Variants in GLUL observed in about 807,000 individuals in gnomAD.
The protein encoded by GLUL is glutamine synthetase.
A neutral mutation model predicts 36.9 loss-of-function variants in GLUL; 8 were observed. The observed-to-expected ratio is 0.22, with a 90% CI of 0.13 to 0.39. The LOEUF (loss-of-function observed/expected upper bound fraction) is 0.39, where lower values mean the gene tolerates loss of function less well. Ranked by LOEUF, GLUL falls within the 10% of genes least tolerant of loss-of-function variation. GLUL has a pLI of 1.00. For missense variants in GLUL, 315 were observed against 501.8 expected, an observed-to-expected ratio of 0.63 and a Z score of 3.56; for synonymous variants, 182 against 172.8, an observed-to-expected ratio of 1.05 and a Z score of -0.42.
At position 182,381,685 on chromosome 1, in the gene GLUL, T is replaced by C. The variant is rs552417488; in HGVS notation, c.*2720A>G. The C allele has an allele frequency of 6.6e-6, 1 of 152,274 alleles. No individual in the cohort carries two copies. Among genetic ancestry groups the C allele is most frequent in the African/African-American group, 2.4e-5 (1 of 41,538 alleles). The allele number at this position is 152,274 out of a possible 1,614,324, so 9.4% of individuals were successfully genotyped here. A position where few individuals can be genotyped will look rare whatever the true frequency, so the allele number is the denominator to read the frequency against. ...CATTTTGTCATGGAATTGATTACAA[T>C]GAACAAAATCCAAAGTGCTCAGGTC... On this transcript the variant is annotated 3_prime_UTR_variant, in exon 7 of 7. Coordinates refer to ENST00000331872, the MANE Select transcript of GLUL (RefSeq NM_001033044.4).
In GLUL at chr1:182,385,897, C is replaced by T. The variant is rs773817890; in HGVS notation, c.476-10G>A. On this transcript the variant is annotated splice_polypyrimidine_tract_variant and intron_variant, in intron 4 of 6. Transcript: ENST00000331872. ...CCACAGTAATATGGACCTACAGAAG[C>T]ATCAGGACAAAACACTAAGAGTCAA... 9 of 1,613,398 alleles carry T rather than the reference C, an allele frequency of 5.6e-6. No individual in the cohort carries two copies. In the East Asian group the frequency reaches 2.0e-4, roughly 36 times the overall value.
chr1:182,391,175 C>G (rs1650401578), intron 1 of GLUL: 1 of 398,508 alleles, frequency 2.5e-6, no homozygotes, highest in Non-Finnish European at 4.4e-6. Flanking sequence ...CAACGCTCAC[C>G]GTTACACGCC....
At chr1:182,388,817 C>G (rs1650286250) in intron 1 of GLUL, 67 bp from the exon 2 acceptor site, 2 of 1,227,888 alleles carry the variant, frequency 1.6e-6, no homozygotes, top group African/African-American at 3.0e-5. Context: ...AAAAATGGCT[C>G]AAGAAGGACG....
chr1:182,387,837 G>A (rs1236570603), intron 2 of GLUL, among the ~76,000 whole-genome samples: 2 of 152,202 alleles, frequency 1.3e-5, no homozygotes, highest in Non-Finnish European at 2.9e-5. Flanking sequence ...GCAGAGACGA[G>A]ACTCTCACTT....
chr1:182,390,379 C>CT (rs1246138787), intron 1 of GLUL: 2 of 397,936 alleles, frequency 5.0e-6, no homozygotes, highest in African/African-American at 4.1e-5. Flanking sequence ...TAGTGCCACT[C>CT]TATCAACTGC....
intron 2 of GLUL, among the ~76,000 whole-genome samples, chr1:182,388,356 G>A (rs1410790266): frequency 6.6e-6 from 1 of 152,126 alleles, no homozygotes; most frequent in Admixed American, 6.5e-5. Flanking sequence ...ACTGGCCTAC[G>A]TGCACAATTC....
At position 182,378,831 on chromosome 1, in the gene GLUL, G is replaced by A. The variant is rs1162659918; in HGVS notation, c.*5574C>T. Among the ~76,000 whole-genome samples, 4 of 152,134 alleles carry A rather than the reference G, an allele frequency of 2.6e-5. No homozygotes were observed. Among genetic ancestry groups the A allele is most frequent in the Non-Finnish European group, 4.4e-5 (3 of 68,032 alleles). On this transcript the variant is annotated 3_prime_UTR_variant, in exon 7 of 7. Coordinates refer to ENST00000331872, the MANE Select transcript of GLUL (RefSeq NM_001033044.4). ...CACACTCTGTTGCCTAGGCTGGAGTGCAATGGTGCAAGCTTGGCTCACTGC... is the reference window on the plus strand; with the variant it reads ...CACACTCTGTTGCCTAGGCTGGAGTACAATGGTGCAAGCTTGGCTCACTGC...
At chr1:182,388,885 C>T (rs1282475624) in intron 1 of GLUL, 135 bp from the exon 2 acceptor site, 2 of 732,914 alleles carry the variant, frequency 2.7e-6, no homozygotes, top group Non-Finnish European at 2.4e-6. Context: ...AGTCAACACA[C>T]AAAAAGTTAT....
rs1216055478 is a variant in GLUL, at chr1:182,382,443, C to T, written c.*1962G>A. The T allele has an allele frequency of 6.6e-6, 1 of 152,126 alleles. No individual in the cohort carries two copies. The highest frequency in any genetic ancestry group is 2.4e-5 in the African/African-American group (1 of 41,390). The allele number at this position is 152,126 out of a possible 1,614,324, so 9.4% of individuals were successfully genotyped here. On this transcript the variant is annotated 3_prime_UTR_variant, in exon 7 of 7. Transcript: ENST00000331872. ...GGATGAGCCCATGCCTAGGGCATAGCCAGCCTTGGAAGGCTTCAACCAGGG... is the reference window on the plus strand; with the variant it reads ...GGATGAGCCCATGCCTAGGGCATAGTCAGCCTTGGAAGGCTTCAACCAGGG...
rs1222115733 is a variant in GLUL at position 182,380,414 on chromosome 1, C to T, written c.*3991G>A. On this transcript the variant is annotated 3_prime_UTR_variant, in exon 7 of 7. Transcript: ENST00000331872. ...CTTCAATTTCCTGGGCTCAAGTCAT[C>T]CTCCCATCTCAGCCTCCTGATAGCT... Among the ~76,000 whole-genome samples, 1 of 152,148 alleles carries T rather than the reference C, an allele frequency of 6.6e-6. No homozygotes were observed. Among genetic ancestry groups the T allele is most frequent in the African/African-American group, 2.4e-5 (1 of 41,428 alleles).
rs1412305663 is a variant in GLUL, at chr1:182,382,045, G to A, written c.*2360C>T. The A allele has an allele frequency of 6.6e-6, 1 of 152,168 alleles. No individual in the cohort carries two copies. The highest frequency in any genetic ancestry group is 1.5e-5 in the Non-Finnish European group (1 of 68,038). The allele number at this position is 152,168 out of a possible 1,614,324, so 9.4% of individuals were successfully genotyped here. A position where few individuals can be genotyped will look rare whatever the true frequency, so the allele number is the denominator to read the frequency against. On this transcript the variant is annotated 3_prime_UTR_variant, in exon 7 of 7. Transcript: ENST00000331872. ...CTTGACTAGTGTAAAATACACAGTT[G>A]CCTGAAGAACTTATCTCTAAAAACT...
intron 5 of GLUL, 42 bp downstream of exon 5, chr1:182,385,718 C>G (rs745610664): frequency 1.2e-6 from 2 of 1,612,486 alleles, no homozygotes; most frequent in East Asian, 2.2e-5. Flanking sequence ...CCTATGTACA[C>G]CTACCTACCC....
intron 1 of GLUL, chr1:182,390,353 T>A (rs1022721386): frequency 2.9e-4 from 115 of 397,580 alleles, no homozygotes; most frequent in Admixed American, 7.1e-4. Context: ...GTGAGCCGAG[T>A]TGCATGCCAG....
chr1:182,386,250 A>T lies in GLUL; in HGVS notation c.475+6T>A. ...GGAATTTCACCTCTAACCCAAGGAG[A>T]CTTACCCTGGGGCCCTGGGAAGCCG... On this transcript the variant is annotated splice_donor_region_variant and intron_variant, in intron 4 of 6. Transcript: ENST00000331872. 7 of 1,612,504 alleles carry T rather than the reference A, an allele frequency of 4.3e-6. No individual in the cohort carries two copies. Among genetic ancestry groups the T allele is most frequent in the Non-Finnish European group, 5.9e-6 (7 of 1,179,376 alleles).
At chr1:182,388,975 C>T in intron 1 of GLUL, 4 of 493,608 alleles carry the variant, frequency 8.1e-6, no homozygotes, top group Non-Finnish European at 1.1e-5. Flanking sequence ...CTGATCACCA[C>T]CTTTTGAAAC....
rs752432567 is a variant in GLUL, at chr1:182,385,790, C to T, written c.573G>A (p.Ala191=). ...CAGGCATGACCTCGGCATTAGTCCC[C>T]GCAATCTTGACTCCAGCATACAAGC... ...RACLYAGVKI[A]GTNAEVMPAQ... is the part of the protein sequence containing the mutation. The change falls in exon 5 of 7, where the codon GCG becomes GCA. Residue 191 remains alanine (A), a synonymous_variant. Coordinates refer to ENST00000331872, the MANE Select transcript of GLUL (RefSeq NM_001033044.4). 2.2e-5 allele frequency: 35 copies of T among 1,614,016 alleles called. 1 individual carries two copies. Among genetic ancestry groups the T allele is most frequent in the South Asian group, 6.6e-5 (6 of 91,082 alleles).
rs1452944327 is a variant in GLUL at position 182,379,182 on chromosome 1, CAA to C, written c.*5221_*5222del. ...AGATTGTTTTCAGTAGAAATGTACG[CAA>C]AGTCTTTGGAGTTAAATGATGAACT... On this transcript the variant is annotated 3_prime_UTR_variant, in exon 7 of 7. Transcript: ENST00000331872. Among the ~76,000 whole-genome samples the C allele has an allele frequency of 6.6e-6, 1 of 152,066 alleles. No individual in the cohort carries two copies. Among genetic ancestry groups the C allele is most frequent in the African/African-American group, 2.4e-5 (1 of 41,400 alleles).
intron 1 of GLUL, chr1:182,391,382 G>A (rs1455573310): frequency 1.0e-5 from 4 of 397,340 alleles, no homozygotes; most frequent in Non-Finnish European, 1.8e-5. Flanking sequence ...GCCTCCAGGG[G>A]CGGCGCTTCG....
chr1:182,388,975 C>G (rs2101937028), intron 1 of GLUL: 1 of 493,608 alleles, frequency 2.0e-6, no homozygotes, highest in Non-Finnish European at 3.7e-6. Context: ...CTGATCACCA[C>G]CTTTTGAAAC....
Sources: allele counts gnomAD v4.1 joint callset (sites outside exome capture counted in the v4.1 genomes callset), GRCh38; gene constraint gnomAD v4.1.1; transcripts MANE v1.5; gene names NCBI Gene and HGNC (gene_info 2026-07-23, HGNC 2026-07-21).